The following PIK3R3 variants were observed in gnomAD, a reference collection of about 807,000 sequenced individuals.
PIK3R3 encodes the protein phosphoinositide-3-kinase regulatory subunit 3, also known as phosphatidylinositol 3-kinase regulatory subunit gamma.
PIK3R3 carries 64 observed loss-of-function variants against 62.9 expected under a neutral mutation model. The observed-to-expected ratio is 1.02, with a 90% CI of 0.83 to 1.25. The LOEUF is 1.25. Among genes scored for constraint, PIK3R3 ranks in the 50% most tolerant of loss-of-function variants. The pLI, the probability that PIK3R3 is intolerant of heterozygous loss-of-function variation, is 0.00. For missense variants in PIK3R3, 614 were observed against 561.6 expected (o/e 1.09, Z -0.94); for synonymous variants, 165 against 189.0 (o/e 0.87, Z 1.04).
chr1:46,059,268 T>C (rs1362110361), intron 6 of PIK3R3, among the ~76,000 whole-genome samples: 2 of 152,228 alleles, frequency 1.3e-5, no homozygotes, highest in African/African-American at 4.8e-5. Flanking sequence ...GTCTCAGGTA[T>C]GTCTTTATCA....
the PIK3R3 span, among the ~76,000 whole-genome samples, chr1:46,159,176 G>A: frequency 5.9e-5 from 9 of 152,150 alleles, no homozygotes; most frequent in Admixed American, 3.9e-4. Flanking sequence ...TTGTCTCCCC[G>A]TTACCTGCTT....
At chr1:46,166,566 G>A in the PIK3R3 span, among the ~76,000 whole-genome samples, 17 of 152,022 alleles carry the variant, frequency 1.1e-4, no homozygotes, top group Non-Finnish European at 2.1e-4. Flanking sequence ...CTTTTCTGAA[G>A]CTGGAGCCTC....
At chr1:46,127,253 G>C (rs1221930803) in intron 1 of PIK3R3, among the ~76,000 whole-genome samples, 5 of 151,188 alleles carry the variant, frequency 3.3e-5, no homozygotes, top group Non-Finnish European at 5.9e-5. Context: ...GAAGTGGAAG[G>C]ATCATTTGAG....
intron 1 of PIK3R3, among the ~76,000 whole-genome samples, chr1:46,112,700 A>C (rs1653843296): frequency 6.6e-6 from 1 of 152,166 alleles, no homozygotes; most frequent in Non-Finnish European, 1.5e-5. Flanking sequence ...CTACGAACTC[A>C]GTAATATCTG....
In PIK3R3 at chr1:46,132,229, A is replaced by G; in HGVS notation, c.-277T>C. 8.5e-7 allele frequency: 1 copy of G among 1,182,248 alleles called. No homozygotes were observed. The allele number at this position is 1,182,248 out of a possible 1,614,324, so 73.2% of individuals were successfully genotyped here. On this transcript the variant is annotated 5_prime_UTR_variant, in exon 1 of 10. Transcript: ENST00000262741. ...GGGGACGGAGAGCAGAGGTGTTAAA[A>G]AGCGGCTTCCCAAAAATCCTTTCTA...
At chr1:46,167,907 G>A in the PIK3R3 span, among the ~76,000 whole-genome samples, 1 of 152,308 alleles carries the variant, frequency 6.6e-6, no homozygotes, top group Middle Eastern at 3.4e-3. Flanking sequence ...TGTAATCCCA[G>A]CACTTTGGGA....
intron 1 of PIK3R3, among the ~76,000 whole-genome samples, chr1:46,128,842 A>G (rs1655316978): frequency 6.6e-6 from 1 of 152,176 alleles, no homozygotes; most frequent in African/African-American, 2.4e-5. Flanking sequence ...GCACTTTGGG[A>G]GGCCGAGGCA....
intron 1 of PIK3R3, among the ~76,000 whole-genome samples, chr1:46,091,839 T>C (rs1299032082): frequency 1.3e-5 from 2 of 152,212 alleles, no homozygotes; most frequent in Non-Finnish European, 2.9e-5. Flanking sequence ...TCCTCCCATA[T>C]ACTTTAAGTC....
At chr1:46,101,587 A>C (rs1571498038) in intron 1 of PIK3R3, among the ~76,000 whole-genome samples, 1 of 152,240 alleles carries the variant, frequency 6.6e-6, no homozygotes, top group African/African-American at 2.4e-5. Flanking sequence ...GTCTATATGT[A>C]CAATGCGGTA....
chr1:46,117,686 G>T (rs1225159247), intron 1 of PIK3R3, among the ~76,000 whole-genome samples: 1 of 152,090 alleles, frequency 6.6e-6, no homozygotes, highest in Non-Finnish European at 1.5e-5. Flanking sequence ...GGTTAAGGCT[G>T]TAGTGAACCA....
intron 1 of PIK3R3, among the ~76,000 whole-genome samples, chr1:46,129,308 T>C (rs1655367047): frequency 6.6e-6 from 1 of 152,106 alleles, no homozygotes; most frequent in Non-Finnish European, 1.5e-5. Flanking sequence ...TTCTATAGAA[T>C]TTATGATGCA....
the PIK3R3 span, among the ~76,000 whole-genome samples, chr1:46,159,217 T>G: frequency 6.6e-6 from 1 of 152,206 alleles, no homozygotes; most frequent in Non-Finnish European, 1.5e-5. Flanking sequence ...CCATCTGTAA[T>G]ACTACCTATT....
the PIK3R3 span, among the ~76,000 whole-genome samples, chr1:46,143,483 G>A: frequency 7.3e-5 from 11 of 151,626 alleles, no homozygotes; most frequent in African/African-American, 2.7e-4. Context: ...TCACTGTGTC[G>A]CCCAGGCTGG....
At chr1:46,051,004 T>C (rs1647295840) in intron 7 of PIK3R3, among the ~76,000 whole-genome samples, 1 of 152,126 alleles carries the variant, frequency 6.6e-6, no homozygotes. Context: ...GACAAATCCA[T>C]AGACACAGAA....
intron 7 of PIK3R3, among the ~76,000 whole-genome samples, chr1:46,053,348 A>G (rs949768103): frequency 6.6e-6 from 1 of 151,744 alleles, no homozygotes; most frequent in African/African-American, 2.4e-5. Flanking sequence ...TTCTGTATTT[A>G]GTTTATACAA....
chr1:46,079,162 G>A (rs953637530), intron 2 of PIK3R3, among the ~76,000 whole-genome samples: 1 of 152,106 alleles, frequency 6.6e-6, no homozygotes, highest in Non-Finnish European at 1.5e-5. Context: ...AAGAGAAAGG[G>A]ATAGGTAAGT....
intron 7 of PIK3R3, chr1:46,047,142 A>G (rs1647136165): frequency 6.5e-6 from 1 of 152,938 alleles, no homozygotes; most frequent in Non-Finnish European, 1.5e-5. Context: ...TTACCAAGAA[A>G]ATCATAGTAT....
At chr1:46,169,640 C>A in the PIK3R3 span, among the ~76,000 whole-genome samples, 1 of 152,112 alleles carries the variant, frequency 6.6e-6, no homozygotes, top group African/African-American at 2.4e-5. Flanking sequence ...GAACAGCAGG[C>A]AAGCAAGGAG....
the PIK3R3 span, among the ~76,000 whole-genome samples, chr1:46,145,407 T>A: frequency 6.6e-6 from 1 of 152,178 alleles, no homozygotes; most frequent in Non-Finnish European, 1.5e-5. Context: ...TGACTCATGA[T>A]TCTGTTGGCT....
Sources: gnomAD v4.1 joint callset for allele counts (sites outside exome capture counted in the v4.1 genomes callset) on GRCh38, gnomAD v4.1.1 for gene constraint, MANE v1.5 for transcripts, NCBI Gene and HGNC (gene_info 2026-07-23, HGNC 2026-07-21) for gene names.